SRCAP: variants seen among roughly 807,000 people sequenced by gnomAD.
The protein encoded by SRCAP is Snf2 related CREBBP activator protein, also known as chromatin remodeling protein SRCAP.
In SRCAP, 46 loss-of-function variants were observed where a neutral mutation model predicts 263.1. That is an observed-to-expected ratio of 0.17 (90% CI 0.14 to 0.22). SRCAP has a LOEUF of 0.22. Ranked by LOEUF, SRCAP falls within the 10% of genes least tolerant of loss-of-function variation. The pLI, the probability that SRCAP is intolerant of heterozygous loss-of-function variation, is 1.00. For missense variants in SRCAP, 3,695 were observed against 4,181.9 expected (o/e 0.88, Z 3.21); for synonymous variants, 1,813 against 1,662.1 (o/e 1.09, Z -2.21).
At position 30,739,505 on chromosome 16, in the gene SRCAP, C is replaced by A. The variant is rs756889859; in HGVS notation, c.9465C>A (p.Gly3155=). The change falls in exon 34 of 34, where the codon GGC becomes GGA. Residue 3155 remains glycine, a synonymous_variant. Transcript: ENST00000262518. ...GGAGTCCTGGGCTGGCAAAGCGGGG[C>A]CGCCTACAGCCCCCAAGTCCCCTGG... The part of the protein sequence containing the change: ...VGGSPGLAKR[G]RLQPPSPLGP... 3 of 1,613,126 alleles carry A rather than the reference C, an allele frequency of 1.9e-6. No homozygotes were observed. Among genetic ancestry groups the A allele is most frequent in the Non-Finnish European group, 2.5e-6 (3 of 1,179,648 alleles).
Position 30,739,047 on chromosome 16 carries a change from C to T in SRCAP, c.9007C>T (p.Pro3003Ser). 1 of 1,614,224 alleles carries T rather than the reference C, an allele frequency of 6.2e-7. No homozygotes were observed. Among genetic ancestry groups the T allele is most frequent in the Non-Finnish European group, 8.5e-7 (1 of 1,180,034 alleles). Residue 3003 changes from proline (P) to serine (S), a missense_variant, in exon 34 of 34, where the codon CCC (proline) becomes TCC (serine). By Grantham distance (74) the Pro-to-Ser change is moderately conservative. Coordinates refer to ENST00000262518, the MANE Select transcript of SRCAP (RefSeq NM_006662.3). ...CACTGTCACCATTTCAACGTCCCCA[C>T]CCAAACGGAAGAGGGGCCGACCTCC... ...VTTVTISTSP[P>S]KRKRGRPPKN... is the part of the protein sequence containing the mutation.
At chr16:30,730,831 G>T (rs2151297195) in intron 27 of SRCAP, among the ~76,000 whole-genome samples, 1 of 151,070 alleles carries the variant, frequency 6.6e-6, no homozygotes, top group South Asian at 2.1e-4. Flanking sequence ...CAACGCCTGG[G>T]TGATTTTTTT....
chr16:30,735,995 C>T (rs1404424685), intron 31 of SRCAP, among the ~76,000 whole-genome samples: 2 of 151,568 alleles, frequency 1.3e-5, no homozygotes, highest in Non-Finnish European at 2.9e-5. Context: ...CTCATTTTTC[C>T]CTAGTGGGAG....
In SRCAP at chr16:30,729,487, C is replaced by T; in HGVS notation, c.6042C>T (p.Leu2014=). The T allele has an allele frequency of 6.2e-7, 1 of 1,614,230 alleles. No individual in the cohort carries two copies. The highest frequency in any genetic ancestry group is 8.5e-7 in the Non-Finnish European group (1 of 1,180,034). The change falls in exon 27 of 34, where the codon CTC becomes CTT. Residue 2014 remains leucine, a synonymous_variant. Transcript: ENST00000262518. The part of the protein sequence containing the change: ...AAFQEQLASE[L]WPRARPLHRI... Reference sequence around the variant, plus strand: ...TCCAGGAGCAATTGGCCTCTGAGCTCTGGCCCCGGGCTCGTCCTTTGCACC... The same window carrying T: ...TCCAGGAGCAATTGGCCTCTGAGCTTTGGCCCCGGGCTCGTCCTTTGCACC...
chr16:30,706,487 TGA>T (rs1340261831), intron 4 of SRCAP, among the ~76,000 whole-genome samples: 1 of 152,144 alleles, frequency 6.6e-6, no homozygotes, highest in Admixed American at 6.5e-5. Flanking sequence ...CTGAATTTTT[TGA>T]GTCGTCTCTG....
In SRCAP at chr16:30,739,751, C is replaced by G; in HGVS notation, c.*18C>G. ...AGACGTGAGTGGGCTGCCCCTCCAC[C>G]TAGGCTTTCCACCGTGGCCACTCCC... On this transcript the variant is annotated 3_prime_UTR_variant, in exon 34 of 34. Coordinates refer to ENST00000262518, the MANE Select transcript of SRCAP (RefSeq NM_006662.3). The G allele has an allele frequency of 6.9e-7, 1 of 1,457,034 alleles. No homozygotes were observed. The highest frequency in any genetic ancestry group is 1.4e-5 in the South Asian group (1 of 69,038). The allele number at this position is 1,457,034 out of a possible 1,614,324, so 90.3% of individuals were successfully genotyped here.
At chr16:30,708,572 T>C (rs1236399582) in intron 6 of SRCAP, among the ~76,000 whole-genome samples, 1 of 152,072 alleles carries the variant, frequency 6.6e-6, no homozygotes, top group Admixed American at 6.5e-5. Context: ...TTTTGTATTT[T>C]TAGTAGAGAC....
At chr16:30,726,488 T>G (rs1362899081) in intron 25 of SRCAP, among the ~76,000 whole-genome samples, 1 of 152,136 alleles carries the variant, frequency 6.6e-6, no homozygotes, top group Non-Finnish European at 1.5e-5. Context: ...CAGCAGTCTG[T>G]GAGGATTCCA....
At position 30,712,755 on chromosome 16, in the gene SRCAP, C is replaced by T. The variant is rs202088569; in HGVS notation, c.2070C>T (p.Cys690=). The change falls in exon 14 of 34, where the codon TGC becomes TGT. Residue 690 remains cysteine (C), a synonymous_variant. Transcript: ENST00000262518. ...LNWEMELKRW[C]PSFKILTYYG... is the part of the protein sequence containing the mutation. ...GGGAGATGGAGTTGAAACGGTGGTG[C>T]CCCAGCTTTAAAATCCTCACTTACT... is the stretch of plus-strand genomic sequence containing the variant. The T allele has an allele frequency of 1.9e-6, 3 of 1,613,924 alleles. No individual in the cohort carries two copies. The highest frequency in any genetic ancestry group is 4.5e-5 in the East Asian group (2 of 44,880).
chr16:30,703,374 A>G (rs2052790530), intron 3 of SRCAP, among the ~76,000 whole-genome samples: 1 of 150,430 alleles, frequency 6.6e-6, no homozygotes, highest in Admixed American at 6.6e-5. Context: ...TTGTATTTTC[A>G]GTAGAGACGG....
At chr16:30,731,690 T>A (rs1453959495) in intron 27 of SRCAP, among the ~76,000 whole-genome samples, 1 of 151,940 alleles carries the variant, frequency 6.6e-6, no homozygotes, top group Non-Finnish European at 1.5e-5. Flanking sequence ...GGCGAAACCC[T>A]GTCTCCTCAA....
rs2053159376 is a variant in SRCAP, at chr16:30,736,193, C to T, written c.6730-7C>T. On this transcript the variant is annotated splice_region_variant and splice_polypyrimidine_tract_variant and intron_variant, in intron 31 of 33. Coordinates refer to ENST00000262518, the MANE Select transcript of SRCAP (RefSeq NM_006662.3). ...ATGTTTTCTTTTTCTTTTATACACC[C>T]TGGTAGGCATTGTGTCGGGCAGAAG... 6.2e-7 allele frequency: 1 copy of T among 1,613,910 alleles called. No individual in the cohort carries two copies. The highest frequency in any genetic ancestry group is 1.1e-5 in the South Asian group (1 of 90,980).
At chr16:30,700,995 G>C (rs1435787304) in intron 3 of SRCAP, 117 bp downstream of exon 3, 2 of 1,014,790 alleles carry the variant, frequency 2.0e-6, no homozygotes, top group Admixed American at 4.0e-5. Context: ...TTTGGTGCTC[G>C]GGGGCTGGGC....
chr16:30,711,482 A>C, intron 10 of SRCAP, 89 bp from the exon 11 acceptor site: 1 of 1,358,702 alleles, frequency 7.4e-7, no homozygotes, highest in Non-Finnish European at 1.0e-6. Flanking sequence ...CAGTATCTAC[A>C]GAGACCTAGG....
Position 30,733,704 on chromosome 16 carries a change from G to A in SRCAP, c.6400G>A (p.Val2134Ile). 1 of 1,614,156 alleles carries A rather than the reference G, an allele frequency of 6.2e-7. No homozygotes were observed. The highest frequency in any genetic ancestry group is 8.5e-7 in the Non-Finnish European group (1 of 1,180,040). The change falls in exon 29 of 34, where the codon GTT becomes ATT. Residue 2134 changes from valine to isoleucine, a missense_variant. Transcript: ENST00000262518. This position sits in a 1 kb window ranked among gnomAD's most constrained non-coding sequence, Gnocchi z 5.3. ...GVNLTGADTVVFYDSDWNPTM... is the reference protein window; with the variant it reads ...GVNLTGADTVIFYDSDWNPTM... Reference sequence around the variant, plus strand: ...GAACCTGACAGGAGCAGACACTGTTGTTTTTTATGACAGCGACTGGAATCC... The same window carrying A: ...GAACCTGACAGGAGCAGACACTGTTATTTTTTATGACAGCGACTGGAATCC...
chr16:30,711,755 G>A lies in SRCAP; in HGVS notation c.1492+11G>A. On this transcript the variant is annotated intron_variant, in intron 11 of 33. Transcript: ENST00000262518. ...GTAGCAGTCAGTCAGGTGAATATGT[G>A]GTCATGAAGCAGGAGCTGGGGAGGG... The A allele has an allele frequency of 1.2e-6, 2 of 1,611,340 alleles. No homozygotes were observed. Among genetic ancestry groups the A allele is most frequent in the Non-Finnish European group, 1.7e-6 (2 of 1,178,040 alleles).
At chr16:30,711,521 C>T in intron 10 of SRCAP, 50 bp from the exon 11 acceptor site, 1 of 1,531,364 alleles carries the variant, frequency 6.5e-7, no homozygotes, top group South Asian at 1.3e-5. Context: ...CTCAGACCTC[C>T]CCTTCTCCCT....
intron 4 of SRCAP, among the ~76,000 whole-genome samples, chr16:30,704,641 C>T (rs1392223082): frequency 6.6e-6 from 1 of 152,018 alleles, no homozygotes; most frequent in African/African-American, 2.4e-5. Flanking sequence ...AGTTCAAGAC[C>T]AGACTGGGCA....
At chr16:30,702,177 C>T (rs1483572736) in intron 3 of SRCAP, among the ~76,000 whole-genome samples, 1 of 151,306 alleles carries the variant, frequency 6.6e-6, no homozygotes, top group African/African-American at 2.4e-5. Flanking sequence ...TGGTCTTCAT[C>T]TTTGACCTCG....
Sources: allele counts gnomAD v4.1 joint callset (sites outside exome capture counted in the v4.1 genomes callset), GRCh38; gene constraint gnomAD v4.1.1; non-coding constraint Gnocchi (gnomAD v3.1); transcripts MANE v1.5; gene names NCBI Gene and HGNC (gene_info 2026-07-23, HGNC 2026-07-21).